GEMIN4: variants seen among roughly 807,000 people sequenced by gnomAD.
The protein encoded by GEMIN4 is gem-associated protein 4.
GEMIN4 carries 59 observed loss-of-function variants against 76.8 expected under a neutral mutation model. The ratio of observed to expected loss-of-function variants is 0.77; its 90% confidence interval spans 0.62 to 0.95. GEMIN4 has a LOEUF of 0.95. Among genes scored for constraint, GEMIN4 ranks in the 40% least tolerant of loss-of-function variants. GEMIN4 has a pLI of 0.00. For synonymous variants in GEMIN4, 562 were observed against 559.7 expected, an observed-to-expected ratio of 1.00 and a Z score of -0.06; for missense variants, 1,311 against 1,318.9, an observed-to-expected ratio of 0.99 and a Z score of 0.09.
chr17:745,436 C>G lies in GEMIN4; in HGVS notation c.2607G>C (p.Trp869Cys), dbSNP rs780626886. The change falls in exon 2 of 2, where the codon TGG (tryptophan) becomes TGC (cysteine). Residue 869 changes from tryptophan to cysteine, a missense_variant. By Grantham distance (215) the Trp-to-Cys change is radical (BLOSUM62 -2). This residue lies in a region of GEMIN4 where 1,208 missense variants were observed against 1,166.9 expected (regional missense o/e 1.04). Transcript: ENST00000319004. The surrounding 1 kb of genome is among the most constrained non-coding windows in gnomAD (Gnocchi z 4.6). ...QVMPWCSPQE[W>C]QRLHQLTRRL... ...TCCTGGTCAGCTGGTGAAGGCGCTG[C>G]CACTCCTGAGGGCTGCACCAAGGCA... 6.8e-6 allele frequency: 11 copies of G among 1,612,714 alleles called. No individual in the cohort carries two copies. The highest frequency in any genetic ancestry group is 9.3e-6 in the Non-Finnish European group (11 of 1,179,794).
In GEMIN4 at chr17:747,592, C is replaced by A. The variant is rs772055071; in HGVS notation, c.451G>T (p.Asp151Tyr). ...AAGGCCACGTCTTCGGCAGAAGTGTCAACGGTCACATGTTCCAGAAAGCGC... is the reference window on the plus strand; with the variant it reads ...AAGGCCACGTCTTCGGCAGAAGTGTAAACGGTCACATGTTCCAGAAAGCGC... ...LERFLEHVTV[D>Y]TSAEDVAFFL... Residue 151 changes from aspartate (D) to tyrosine (Y), a missense_variant, in exon 2 of 2, where the codon GAC (aspartate) becomes TAC (tyrosine). By Grantham distance (160) the Asp-to-Tyr change is radical. Transcript: ENST00000319004. 9 of 1,613,838 alleles carry A rather than the reference C, an allele frequency of 5.6e-6. No homozygotes were observed. The Admixed American group carries it at 1.3e-4, about 24-fold the overall frequency.
chr17:746,843 C>T lies in GEMIN4; in HGVS notation c.1200G>A (p.Glu400=). Residue 400 remains glutamate (E), a synonymous_variant, in exon 2 of 2, where the codon GAG becomes GAA. Transcript: ENST00000319004. The surrounding 1 kb of genome is among the most constrained non-coding windows in gnomAD (Gnocchi z 4.3). ...TSTVLKNRAL[E]DITASIAMAV... is the part of the protein sequence containing the mutation. ...CCATGGCAATGGAAGCTGTGATATC[C>T]TCCAAGGCCCTGTTCTTCAGCACCG... 6.2e-7 allele frequency: 1 copy of T among 1,613,716 alleles called. No homozygotes were observed. The highest frequency in any genetic ancestry group is 8.5e-7 in the Non-Finnish European group (1 of 1,179,662).
chr17:752,958 T>C (rs1345558535), upstream of GEMIN4: 1 of 155,214 alleles, frequency 6.4e-6, no homozygotes, highest in Non-Finnish European at 1.4e-5. Context: ...GAGAAGCTGC[T>C]GGTCTACGGC....
rs1974315888 is a variant in GEMIN4 at position 744,610 on chromosome 17, A to G, written c.*256T>C. 2.5e-6 allele frequency: 1 copy of G among 399,940 alleles called. No homozygotes were observed. Among genetic ancestry groups the G allele is most frequent in the Non-Finnish European group, 4.5e-6 (1 of 222,768 alleles). The allele number at this position is 399,940 out of a possible 1,614,324, so 24.8% of individuals were successfully genotyped here. The stretch of plus-strand genomic sequence containing the variant: ...GCTATTGCTGAGGCCGACTTAGAAG[A>G]GACAAAGTGAGATGCGAAAGAGGAG... On this transcript the variant is annotated 3_prime_UTR_variant, in exon 2 of 2. Coordinates refer to ENST00000319004, the MANE Select transcript of GEMIN4 (RefSeq NM_015721.3).
chr17:748,112 T>C, intron 1 of GEMIN4, 80 bp from the exon 2 acceptor site: 2 of 1,115,216 alleles, frequency 1.8e-6, no homozygotes, highest in Non-Finnish European at 2.5e-6. Context: ...CTGTCATGGT[T>C]TGAGATGACA....
chr17:751,460 G>A (rs1036105554), intron 1 of GEMIN4, among the ~76,000 whole-genome samples: 2 of 152,152 alleles, frequency 1.3e-5, no homozygotes, highest in Admixed American at 6.5e-5. Flanking sequence ...AGCTCTCCCA[G>A]AACAGCCTCC....
rs1212951896 is a variant in GEMIN4 at position 747,133 on chromosome 17, A to G, written c.910T>C (p.Ser304Pro). 3 of 1,613,636 alleles carry G rather than the reference A, an allele frequency of 1.9e-6. No homozygotes were observed. The highest frequency in any genetic ancestry group is 1.7e-5 in the Admixed American group (1 of 60,006). Reference sequence around the variant, plus strand: ...GTCTCACTGGGGAGTTTGGCCAGCGAGGTCAGGCTGACATCCCGTTCTGCC... The same window carrying G: ...GTCTCACTGGGGAGTTTGGCCAGCGGGGTCAGGCTGACATCCCGTTCTGCC... ...KEAERDVSLT[S>P]LAKLPSETIF... The change falls in exon 2 of 2, where the codon TCG (serine) becomes CCG (proline). Residue 304 changes from serine to proline, a missense_variant. Transcript: ENST00000319004.
intron 1 of GEMIN4, chr17:748,367 G>C: frequency 3.8e-6 from 1 of 263,860 alleles, no homozygotes; most frequent in Non-Finnish European, 7.2e-6. Context: ...GAAATGCCAG[G>C]TGGAAGTTCA....
upstream of GEMIN4, chr17:752,346 C>G (rs1416383618): frequency 2.5e-6 from 3 of 1,176,554 alleles, no homozygotes; most frequent in African/African-American, 1.6e-5. Flanking sequence ...CGCACAGCGC[C>G]GCCTTCCGGC....
upstream of GEMIN4, chr17:752,472 C>T (rs1904794241): frequency 2.2e-6 from 1 of 454,710 alleles, no homozygotes; most frequent in African/African-American, 2.0e-5. Flanking sequence ...GATTCCCCGG[C>T]CCCGCATTCA....
At chr17:752,611 C>T (rs961016560), upstream of GEMIN4, 1 of 996,900 alleles carries the variant, frequency 1.0e-6, no homozygotes, top group Non-Finnish European at 1.2e-6. Flanking sequence ...CAGCTCGCGC[C>T]ACATACAGTC....
At chr17:752,645 G>T, upstream of GEMIN4, 1 of 1,006,976 alleles carries the variant, frequency 9.9e-7, no homozygotes, top group Non-Finnish European at 1.2e-6. Flanking sequence ...CTGCCGCGCC[G>T]CCCCCTCCAG....
chr17:744,429 T>C lies in GEMIN4; in HGVS notation c.*437A>G, dbSNP rs951375689. 4 of 162,362 alleles carry C rather than the reference T, an allele frequency of 2.5e-5. No individual in the cohort carries two copies. The highest frequency in any genetic ancestry group is 7.2e-5 in the African/African-American group (3 of 41,562). The allele number at this position is 162,362 out of a possible 1,614,324, so 10.1% of individuals were successfully genotyped here. A position where few individuals can be genotyped will look rare whatever the true frequency, so the allele number is the denominator to read the frequency against. On this transcript the variant is annotated 3_prime_UTR_variant, in exon 2 of 2. Coordinates refer to ENST00000319004, the MANE Select transcript of GEMIN4 (RefSeq NM_015721.3). ...ACGAAATAACTCTTGAAGGGGGTTA[T>C]ACGTACCATGTAATGCTTTTTCCAC... is the stretch of plus-strand genomic sequence containing the variant.
Position 745,215 on chromosome 17 carries a change from AGGAGTTTGACCACGT to A in GEMIN4, c.2813_2827del (p.His938_Leu942del). On this transcript the variant is annotated inframe_deletion, in exon 2 of 2. Coordinates refer to ENST00000319004, the MANE Select transcript of GEMIN4 (RefSeq NM_015721.3). This position sits in a 1 kb window ranked among gnomAD's most constrained non-coding sequence, Gnocchi z 4.6. ...CAGGAGGCGGGTCAGACTGCCACAGAGGAGTTTGACCACGTGGTTCCAGCCTTCCAGAGGAAGCCA... is the reference window on the plus strand; with the variant it reads ...CAGGAGGCGGGTCAGACTGCCACAGAGGTTCCAGCCTTCCAGAGGAAGCCA... 1 of 1,608,914 alleles carries A rather than the reference AGGAGTTTGACCACGT, an allele frequency of 6.2e-7. No homozygotes were observed. The highest frequency in any genetic ancestry group is 8.5e-7 in the Non-Finnish European group (1 of 1,178,022).
chr17:745,058 C>G lies in GEMIN4; in HGVS notation c.2985G>C (p.Pro995=). 6.2e-7 allele frequency: 1 copy of G among 1,613,774 alleles called. No homozygotes were observed. Among genetic ancestry groups the G allele is most frequent in the Non-Finnish European group, 8.5e-7 (1 of 1,179,850 alleles). ...HALHIMAMLH[P]EVCEPLYVLA... Reference sequence around the variant, plus strand: ...AAACGTAGAGTGGCTCACAGACCTCCGGGTGGAGCATGGCCATGATGTGCA... The same window carrying G: ...AAACGTAGAGTGGCTCACAGACCTCGGGGTGGAGCATGGCCATGATGTGCA... Residue 995 remains proline (P), a synonymous_variant, in exon 2 of 2, where the codon CCG becomes CCC. Transcript: ENST00000319004. The surrounding 1 kb of genome is among the most constrained non-coding windows in gnomAD (Gnocchi z 4.6).
At chr17:752,787 A>G (rs1904827613), upstream of GEMIN4, 1 of 203,324 alleles carries the variant, frequency 4.9e-6, no homozygotes, top group Admixed American at 6.5e-5. Flanking sequence ...AAACACAAAC[A>G]TCGCGTGCCT....
Position 747,741 on chromosome 17 carries a change from C to T in GEMIN4, c.302G>A (p.Gly101Asp). ...GTGGTTGATGGTGGGGATCATGTTG[C>T]CCACCGAGAAGAACAGGTCTTCCTG... Reference protein sequence around the residue: ...RWQEDLFFSVGNMIPTINHTI... With the variant: ...RWQEDLFFSVDNMIPTINHTI... The change falls in exon 2 of 2, where the codon GGC becomes GAC. Residue 101 changes from glycine (G) to aspartate (D), a missense_variant. Physicochemically the swap from Gly to Asp is moderately conservative, Grantham distance 94. This residue lies in a region of GEMIN4 where 103 missense variants were observed against 152.0 expected (regional missense o/e 0.68). Transcript: ENST00000319004. 1.2e-6 allele frequency: 2 copies of T among 1,600,560 alleles called. No individual in the cohort carries two copies. The highest frequency in any genetic ancestry group is 1.7e-6 in the Non-Finnish European group (2 of 1,174,098).
chr17:748,085 C>T (rs1326549813), intron 1 of GEMIN4, 53 bp from the exon 2 acceptor site: 2 of 1,365,540 alleles, frequency 1.5e-6, no homozygotes, highest in Non-Finnish European at 2.0e-6. Context: ...TTCCAGATGG[C>T]CACTGCTGTT....
chr17:746,035 T>C lies in GEMIN4; in HGVS notation c.2008A>G (p.Ser670Gly). The C allele has an allele frequency of 6.2e-7, 1 of 1,613,892 alleles. No individual in the cohort carries two copies. The highest frequency in any genetic ancestry group is 8.5e-7 in the Non-Finnish European group (1 of 1,179,872). ...AGAGTCTGGATGAAGATCCTCAGAC[T>C]GAGGTCTACCTCTTCAACATCTAAC... ...LRLDVEEVDL[S>G]LRIFIQTLEA... The change falls in exon 2 of 2, where the codon AGT becomes GGT. Residue 670 changes from serine (S) to glycine (G), a missense_variant. This residue lies in a region of GEMIN4 where 1,208 missense variants were observed against 1,166.9 expected (regional missense o/e 1.04). Transcript: ENST00000319004. The surrounding 1 kb of genome is among the most constrained non-coding windows in gnomAD (Gnocchi z 4.3).
Sources: allele counts gnomAD v4.1 joint callset (sites outside exome capture counted in the v4.1 genomes callset), GRCh38; gene constraint gnomAD v4.1.1; regional missense constraint gnomAD v4.1.1; non-coding constraint Gnocchi (gnomAD v3.1); transcripts MANE v1.5; gene names NCBI Gene and HGNC (gene_info 2026-07-23, HGNC 2026-07-21).